Variants in DMRT1 observed in about 807,000 individuals in gnomAD.
DMRT1 encodes the protein doublesex- and mab-3-related transcription factor 1.
DMRT1 carries 7 observed loss-of-function variants against 32.3 expected under a neutral mutation model. The observed-to-expected ratio is 0.22, with a 90% CI of 0.12 to 0.41. The LOEUF (loss-of-function observed/expected upper bound fraction) is 0.41. Ranked by LOEUF, DMRT1 falls within the 10% of genes least tolerant of loss-of-function variation. The pLI is 1.00. For missense variants in DMRT1, 625 were observed against 500.5 expected (o/e 1.25, Z -2.37); for synonymous variants, 278 against 206.1 (o/e 1.35, Z -2.99).
chr9:908,586 G>T (rs1173157167), intron 3 of DMRT1, among the ~76,000 whole-genome samples: 1 of 151,932 alleles, frequency 6.6e-6, no homozygotes, highest in Admixed American at 6.6e-5. Context: ...CATGTGAGTT[G>T]TTTGTTTTTT....
intron 2 of DMRT1, among the ~76,000 whole-genome samples, chr9:849,013 T>A (rs1189737323): frequency 6.6e-6 from 1 of 150,632 alleles, no homozygotes; most frequent in African/African-American, 2.4e-5. Context: ...ATGGGATGTG[T>A]CACATGAGTA....
chr9:912,368 G>T (rs920069874), intron 3 of DMRT1, among the ~76,000 whole-genome samples: 1 of 152,194 alleles, frequency 6.6e-6, no homozygotes, highest in Non-Finnish European at 1.5e-5. Flanking sequence ...AATGGAGTCT[G>T]ACCCTTTGTA....
chr9:861,678 C>CGG (rs1815687969), intron 2 of DMRT1, among the ~76,000 whole-genome samples: 1 of 150,542 alleles, frequency 6.6e-6, no homozygotes, highest in African/African-American at 2.5e-5. Flanking sequence ...GACGGGGAAG[C>CGG]CGGGCAGAGG....
At chr9:865,655 A>G (rs531004160) in intron 2 of DMRT1, among the ~76,000 whole-genome samples, 124 of 152,160 alleles carry the variant, frequency 8.1e-4, no homozygotes, top group Non-Finnish European at 1.5e-3. Flanking sequence ...AACAAGAATT[A>G]CATCTTTGGG....
chr9:887,323 G>C (rs893470961), intron 2 of DMRT1, among the ~76,000 whole-genome samples: 1 of 152,130 alleles, frequency 6.6e-6, no homozygotes, highest in African/African-American at 2.4e-5. Flanking sequence ...GTGACTTCTT[G>C]CCTGGAGTAT....
At position 957,737 on chromosome 9, in the gene DMRT1, C is replaced by T. The variant is rs184782117; in HGVS notation, c.968-10248C>T. On this transcript the variant is annotated intron_variant, in intron 4 of 4. Transcript: ENST00000382276. ...TTAGAAGAAAATATTGAGCTGAGGG[C>T]AGTGGCTCGCGCCTGTAATCCCAGC... is the stretch of plus-strand genomic sequence containing the variant. Among the ~76,000 whole-genome samples the T allele has an allele frequency of 2.0e-3, 311 of 152,284 alleles. 2 individuals carry two copies. Among genetic ancestry groups the T allele is most frequent in the African/African-American group, 7.1e-3 (296 of 41,562 alleles).
rs986314853 is a variant in DMRT1 at position 894,135 on chromosome 9, G to A, written c.762G>A (p.Lys254=). 2.5e-6 allele frequency: 4 copies of A among 1,614,234 alleles called. No individual in the cohort carries two copies. Among genetic ancestry groups the A allele is most frequent in the Admixed American group, 3.3e-5 (2 of 60,036 alleles). ...ATCCCCTCGGGGGATCCCCTGTGAA[G>A]AACAGCCTTCGGGGCCTCCCCGGAC... ...VGNPLGGSPV[K]NSLRGLPGPY... Residue 254 remains lysine, a synonymous_variant, in exon 3 of 5, where the codon AAG becomes AAA. Coordinates refer to ENST00000382276, the MANE Select transcript of DMRT1 (RefSeq NM_021951.3).
At chr9:934,452 G>A (rs1317194532) in intron 4 of DMRT1, among the ~76,000 whole-genome samples, 2 of 152,142 alleles carry the variant, frequency 1.3e-5, no homozygotes, top group African/African-American at 4.8e-5. Flanking sequence ...GATCACTTGA[G>A]CCCAGGAGTT....
chr9:842,541 C>T (rs1053234891), intron 1 of DMRT1, among the ~76,000 whole-genome samples: 1 of 152,122 alleles, frequency 6.6e-6, no homozygotes, highest in East Asian at 1.9e-4. Flanking sequence ...CGGCGGGGCC[C>T]GAGTTTCTTG....
At chr9:878,328 G>C (rs1227289989) in intron 2 of DMRT1, among the ~76,000 whole-genome samples, 2 of 151,848 alleles carry the variant, frequency 1.3e-5, no homozygotes, top group Admixed American at 1.3e-4. Flanking sequence ...GAAAAGGGAA[G>C]GAATGGTGCA....
At position 854,911 on chromosome 9, in the gene DMRT1, G is replaced by T. The variant is rs10120893; in HGVS notation, c.538+7768G>T. Among the ~76,000 whole-genome samples the T allele has an allele frequency of 7.4e-5, 10 of 134,856 alleles. No homozygotes were observed. In the East Asian group the frequency reaches 2.3e-3, roughly 31 times the overall value. 88.5% of individuals were successfully genotyped at this position (134,856 alleles called of 152,430 possible). On this transcript the variant is annotated intron_variant, in intron 2 of 4. Coordinates refer to ENST00000382276, the MANE Select transcript of DMRT1 (RefSeq NM_021951.3). ...CTCCCGAGTAGCTGGGACTACAGGC[G>T]CCCGCCGCCACGCCAGGCTAATTTT...
At chr9:927,367 C>T (rs113934261) in intron 4 of DMRT1, among the ~76,000 whole-genome samples, 3,010 of 152,350 alleles carry the variant, frequency 0.02, 57 homozygotes, top group African/African-American at 0.046. Flanking sequence ...TAAAAACCAG[C>T]TCAGTGTGAA....
chr9:935,550 G>GT (rs1818858392), intron 4 of DMRT1, among the ~76,000 whole-genome samples: 1 of 152,212 alleles, frequency 6.6e-6, no homozygotes, highest in Non-Finnish European at 1.5e-5. Context: ...AAATACTGGC[G>GT]TAATTGCTCG....
intron 4 of DMRT1, among the ~76,000 whole-genome samples, chr9:917,750 C>T (rs976724519): frequency 6.6e-6 from 1 of 152,190 alleles, no homozygotes. Context: ...GAATCAGAAC[C>T]ATGCTTTGAT....
chr9:958,699 A>T (rs1819674434), intron 4 of DMRT1, among the ~76,000 whole-genome samples: 1 of 152,210 alleles, frequency 6.6e-6, no homozygotes, highest in African/African-American at 2.4e-5. Flanking sequence ...ACTTTCTAAA[A>T]ACCATATAGC....
chr9:931,712 C>G (rs1818732393), intron 4 of DMRT1, among the ~76,000 whole-genome samples: 1 of 152,156 alleles, frequency 6.6e-6, no homozygotes, highest in Non-Finnish European at 1.5e-5. Flanking sequence ...TCTGGTCTCT[C>G]TTCTTCTTAA....
At chr9:896,285 C>CTTTTTTTTTTT (rs1195951813) in intron 3 of DMRT1, among the ~76,000 whole-genome samples, 4 of 121,760 alleles carry the variant, frequency 3.3e-5, no homozygotes, top group East Asian at 2.4e-4. Context: ...CTTGTCTTTT[C>CTTTTTTTTTTT]TTTTTTTTTT....
chr9:864,946 T>A (rs1815912392), intron 2 of DMRT1, among the ~76,000 whole-genome samples: 1 of 152,340 alleles, frequency 6.6e-6, no homozygotes, highest in East Asian at 1.9e-4. Context: ...AACTGTGGTA[T>A]GGCCGTGATG....
At chr9:888,630 A>G (rs777215884) in intron 2 of DMRT1, among the ~76,000 whole-genome samples, 3 of 152,128 alleles carry the variant, frequency 2.0e-5, no homozygotes, top group African/African-American at 4.8e-5. Flanking sequence ...TTTAATAGTC[A>G]GGACTGTCAC....
Sources: gnomAD v4.1 joint callset for allele counts (sites outside exome capture counted in the v4.1 genomes callset) on GRCh38, gnomAD v4.1.1 for gene constraint, MANE v1.5 for transcripts, NCBI Gene and HGNC (gene_info 2026-07-23, HGNC 2026-07-21) for gene names.